TAS2R1: variants seen among roughly 807,000 people sequenced by gnomAD.
The protein encoded by TAS2R1 is taste receptor type 2 member 1.
For missense variants in TAS2R1, 370 were observed against 353.4 expected, an observed-to-expected ratio of 1.05 and a Z score of -0.38; for synonymous variants, 141 against 134.2, an observed-to-expected ratio of 1.05 and a Z score of -0.35.
the TAS2R1 span, among the ~76,000 whole-genome samples, chr5:9,834,315 T>G: frequency 1.3e-5 from 2 of 152,224 alleles, no homozygotes; most frequent in African/African-American, 4.8e-5. Flanking sequence ...AATCCCATCT[T>G]AGTGGGTCAA....
chr5:9,708,499 C>T (rs1741668527), intron 1 of TAS2R1, among the ~76,000 whole-genome samples: 2 of 152,174 alleles, frequency 1.3e-5, no homozygotes, highest in Non-Finnish European at 2.9e-5. Context: ...TCTCCTTTTA[C>T]ACAGTCTGAC....
At chr5:9,723,591 G>A in the TAS2R1 span, among the ~76,000 whole-genome samples, 4 of 152,200 alleles carry the variant, frequency 2.6e-5, no homozygotes, top group Admixed American at 2.0e-4. Flanking sequence ...CCAGGAAGAG[G>A]GGAGATGCCC....
At chr5:9,796,311 C>T in the TAS2R1 span, among the ~76,000 whole-genome samples, 1 of 152,130 alleles carries the variant, frequency 6.6e-6, no homozygotes, top group East Asian at 1.9e-4. Flanking sequence ...TCATATCTAC[C>T]CCACTGGGCC....
chr5:9,871,218 C>T, the TAS2R1 span, among the ~76,000 whole-genome samples: 1 of 152,074 alleles, frequency 6.6e-6, no homozygotes. Context: ...ATTAAGAAAG[C>T]CAATGAAAGA....
At chr5:9,657,975 A>C (rs1238339328) in intron 2 of TAS2R1, among the ~76,000 whole-genome samples, 2 of 152,154 alleles carry the variant, frequency 1.3e-5, no homozygotes, top group African/African-American at 4.8e-5. Context: ...TGACTTGTTG[A>C]AGGATTTAGA....
chr5:9,632,094 A>G (rs1739882867), upstream of TAS2R1, among the ~76,000 whole-genome samples: 1 of 152,206 alleles, frequency 6.6e-6, no homozygotes, highest in Non-Finnish European at 1.5e-5. Context: ...AAATACAAGC[A>G]TACTTCCATA....
At chr5:9,847,094 C>G in the TAS2R1 span, among the ~76,000 whole-genome samples, 1 of 152,350 alleles carries the variant, frequency 6.6e-6, no homozygotes, top group Admixed American at 6.5e-5. Context: ...CAGACACTTA[C>G]AGGAAAACTT....
intron 1 of TAS2R1, among the ~76,000 whole-genome samples, chr5:9,669,107 T>G (rs564815034): frequency 6.7e-6 from 1 of 148,334 alleles, no homozygotes; most frequent in Non-Finnish European, 1.5e-5. Flanking sequence ...AAAGCAGGAG[T>G]TGCTATTCTA....
chr5:9,794,858 A>G, the TAS2R1 span, among the ~76,000 whole-genome samples: 1 of 152,228 alleles, frequency 6.6e-6, no homozygotes, highest in African/African-American at 2.4e-5. Flanking sequence ...CTTTCTTGGT[A>G]GAATGTCAAA....
In TAS2R1 at chr5:9,629,497, A is replaced by G. The variant is rs373482546; in HGVS notation, c.536T>C (p.Phe179Ser). The change falls in exon 1 of 1, where the codon TTT becomes TCT. Residue 179 changes from phenylalanine to serine, a missense_variant. By Grantham distance (155) the Phe-to-Ser change is radical (BLOSUM62 -2). Coordinates refer to ENST00000382492, the MANE Select transcript of TAS2R1 (RefSeq NM_019599.3). ...CAATGGCACTGAGAACTCAGCAACA[A>G]AAGAGAAAATCTGTATAGCCAGTGT... ...EDTLAIQIFS[F>S]VAEFSVPLLI... 3 of 1,614,230 alleles carry G rather than the reference A, an allele frequency of 1.9e-6. No homozygotes were observed. The highest frequency in any genetic ancestry group is 2.5e-6 in the Non-Finnish European group (3 of 1,180,040).
upstream of TAS2R1, among the ~76,000 whole-genome samples, chr5:9,630,716 C>T (rs1396011385): frequency 1.3e-5 from 2 of 152,184 alleles, no homozygotes; most frequent in African/African-American, 4.8e-5. Flanking sequence ...GACAAGCACT[C>T]AGCACTGTTC....
chr5:9,840,872 T>TA, the TAS2R1 span, among the ~76,000 whole-genome samples: 35 of 56,878 alleles, frequency 6.2e-4, no homozygotes, highest in African/African-American at 3.4e-3. Context: ...TTTTTTTTTT[T>TA]TTTTTTTTTT....
At chr5:9,831,991 C>T in the TAS2R1 span, among the ~76,000 whole-genome samples, 5 of 152,176 alleles carry the variant, frequency 3.3e-5, no homozygotes, top group Admixed American at 2.0e-4. Flanking sequence ...GAATGACGTG[C>T]GCTTCACAGT....
the TAS2R1 span, among the ~76,000 whole-genome samples, chr5:9,751,002 A>G: frequency 6.6e-6 from 1 of 151,832 alleles, no homozygotes; most frequent in Non-Finnish European, 1.5e-5. Flanking sequence ...TAGGTGTAAT[A>G]CTAGCTACTG....
At chr5:9,754,401 T>G in the TAS2R1 span, among the ~76,000 whole-genome samples, 1 of 152,204 alleles carries the variant, frequency 6.6e-6, no homozygotes, top group Admixed American at 6.5e-5. Flanking sequence ...TTGGAAGTTC[T>G]GGCCAGGGCA....
chr5:9,754,375 C>G, the TAS2R1 span, among the ~76,000 whole-genome samples: 1 of 152,172 alleles, frequency 6.6e-6, no homozygotes, highest in Non-Finnish European at 1.5e-5. Flanking sequence ...TCTCACCACT[C>G]CTATTCAACA....
the TAS2R1 span, among the ~76,000 whole-genome samples, chr5:9,804,569 T>C: frequency 6.6e-6 from 1 of 151,998 alleles, no homozygotes; most frequent in Non-Finnish European, 1.5e-5. Context: ...TGGAATAAAA[T>C]TGGAAACAAA....
At chr5:9,888,468 G>A in the TAS2R1 span, among the ~76,000 whole-genome samples, 2 of 152,148 alleles carry the variant, frequency 1.3e-5, no homozygotes, top group Non-Finnish European at 2.9e-5. Context: ...CTGCTATCCC[G>A]GACCCAACAC....
the TAS2R1 span, among the ~76,000 whole-genome samples, chr5:9,797,512 C>T: frequency 2.1e-4 from 32 of 152,184 alleles, no homozygotes; most frequent in African/African-American, 7.5e-4. Context: ...CATGAATTAA[C>T]AGCAAAAAAT....
Sources: allele counts gnomAD v4.1 joint callset (sites outside exome capture counted in the v4.1 genomes callset), GRCh38; gene constraint gnomAD v4.1.1; transcripts MANE v1.5; gene names NCBI Gene and HGNC (gene_info 2026-07-23, HGNC 2026-07-21).